The following UBTD1 variants were observed in gnomAD, a reference collection of about 807,000 sequenced individuals.
The protein encoded by UBTD1 is ubiquitin domain-containing protein 1.
A neutral mutation model predicts 21.7 loss-of-function variants in UBTD1; 19 were observed. The observed-to-expected ratio is 0.87, with a 90% CI of 0.61 to 1.28. The LOEUF (loss-of-function observed/expected upper bound fraction) is 1.28, where lower values mean the gene tolerates loss of function less well. Ranked by LOEUF, UBTD1 falls within the 50% of genes most tolerant of loss-of-function variation. The pLI, the probability that UBTD1 is intolerant of heterozygous loss-of-function variation, is 0.00. For synonymous variants in UBTD1, 116 were observed against 135.1 expected (o/e 0.86, Z 0.98); for missense variants, 282 against 315.1 (o/e 0.89, Z 0.80).
At chr10:97,499,686 A>G (rs1275345900) in intron 1 of UBTD1, among the ~76,000 whole-genome samples, 1 of 152,166 alleles carries the variant, frequency 6.6e-6, no homozygotes, top group Non-Finnish European at 1.5e-5. Context: ...GCGAGGCGAG[A>G]ACAGTCGCTC....
chr10:97,513,490 T>C (rs933119358), intron 1 of UBTD1, among the ~76,000 whole-genome samples: 2 of 152,044 alleles, frequency 1.3e-5, no homozygotes, highest in African/African-American at 2.4e-5. Flanking sequence ...CCTTGGGGGA[T>C]TGGGATAGGA....
Position 97,570,803 on chromosome 10 carries a change from A to G in UBTD1, c.*280A>G, listed in dbSNP as rs2040745183. 5 of 421,608 alleles carry G rather than the reference A, an allele frequency of 1.2e-5. No homozygotes were observed. In the Admixed American group the frequency reaches 1.9e-4, roughly 16 times the overall value. 26.1% of individuals were successfully genotyped at this position (421,608 alleles called of 1,614,324 possible). ...AAGCAGGTTCGAGCCACAAGGGCCA[A>G]CCAGGAGGCCCCTGGAGCCCAGATC... On this transcript the variant is annotated 3_prime_UTR_variant, in exon 3 of 3. Coordinates refer to ENST00000370664, the MANE Select transcript of UBTD1 (RefSeq NM_024954.5). This position sits in a 1 kb window ranked among gnomAD's most constrained non-coding sequence, Gnocchi z 6.6.
chr10:97,557,228 C>T (rs763283889), intron 1 of UBTD1, among the ~76,000 whole-genome samples: 1 of 152,194 alleles, frequency 6.6e-6, no homozygotes, highest in Non-Finnish European at 1.5e-5. Context: ...AGTACTGGCA[C>T]ATTTAGTTCA....
intron 1 of UBTD1, among the ~76,000 whole-genome samples, chr10:97,532,777 C>T (rs368141549): frequency 4.0e-5 from 6 of 148,288 alleles, no homozygotes; most frequent in African/African-American, 7.4e-5. Context: ...GCAACAAGAG[C>T]GCAACTGCAT....
At chr10:97,546,714 T>C (rs1348515479) in intron 1 of UBTD1, among the ~76,000 whole-genome samples, 1 of 151,732 alleles carries the variant, frequency 6.6e-6, no homozygotes, top group Non-Finnish European at 1.5e-5. Flanking sequence ...CAATGGGAGG[T>C]TGGTAGCTCC....
In UBTD1 at chr10:97,499,241, C is replaced by G. The variant is rs781079031; in HGVS notation, c.38C>G (p.Pro13Arg). The G allele has an allele frequency of 1.3e-6, 2 of 1,548,186 alleles. No individual in the cohort carries two copies. The highest frequency in any genetic ancestry group is 2.4e-5 in the South Asian group (2 of 83,544). The change falls in exon 1 of 3, where the codon CCG (proline) becomes CGG (arginine). Residue 13 changes from proline to arginine, a missense_variant. Transcript: ENST00000370664. ...GTGGGGAGACAGCGCCGGGAGAGGC[C>G]GGCAGCCCCGGGACACCCCCGCAAG... ...NCVGRQRRER[P>R]AAPGHPRKRA...
At chr10:97,565,494 A>C (rs776475505) in intron 1 of UBTD1, among the ~76,000 whole-genome samples, 1 of 152,018 alleles carries the variant, frequency 6.6e-6, no homozygotes, top group Non-Finnish European at 1.5e-5. Flanking sequence ...ATTCAGTTCA[A>C]AATTTTAGAC....
At chr10:97,508,284 T>A (rs756668187) in intron 1 of UBTD1, among the ~76,000 whole-genome samples, 1 of 152,232 alleles carries the variant, frequency 6.6e-6, no homozygotes, top group African/African-American at 2.4e-5. Flanking sequence ...TTTGTCCTCA[T>A]GAGAATGGGA....
rs1038766527 is a variant in UBTD1 at position 97,553,825 on chromosome 10, G to C, written c.71-14089G>C. ...TTCAGCCACAGAGGCCCTACCTGGA[G>C]GGTGAGGAGTTTGTCACCGCTGTAT... On this transcript the variant is annotated intron_variant, in intron 1 of 2. Transcript: ENST00000370664. 3.3e-5 allele frequency among the ~76,000 whole-genome samples: 5 copies of C among 152,320 alleles called. No homozygotes were observed. The East Asian group carries it at 7.7e-4, about 24-fold the overall frequency.
intron 1 of UBTD1, among the ~76,000 whole-genome samples, chr10:97,563,607 G>T (rs575496129): frequency 6.6e-6 from 1 of 152,156 alleles, no homozygotes; most frequent in African/African-American, 2.4e-5. Flanking sequence ...CGTCAGCAAA[G>T]ATCATCTATC....
In UBTD1 at chr10:97,499,063, G is replaced by GGGGCTGAGCGCGCCCCC; in HGVS notation, c.-137_-121dup. ...GCAAAGTTTTGGCGGAGCCATCGCT[G>GGGGCTGAGCGCGCCCCC]GGGCTGAGCGCGCCCCCGGGGGGAG... On this transcript the variant is annotated 5_prime_UTR_variant, in exon 1 of 3. Coordinates refer to ENST00000370664, the MANE Select transcript of UBTD1 (RefSeq NM_024954.5). 1 of 942,250 alleles carries GGGGCTGAGCGCGCCCCC rather than the reference G, an allele frequency of 1.1e-6. No individual in the cohort carries two copies. The allele number at this position is 942,250 out of a possible 1,614,324, so 58.4% of individuals were successfully genotyped here.
intron 1 of UBTD1, among the ~76,000 whole-genome samples, chr10:97,520,376 T>A (rs1325312043): frequency 2.6e-5 from 4 of 152,204 alleles, no homozygotes; most frequent in Admixed American, 6.5e-5. Context: ...AAAGCCCAGA[T>A]GAGCATTGAG....
chr10:97,508,520 C>G (rs905499352), intron 1 of UBTD1, among the ~76,000 whole-genome samples: 1 of 152,120 alleles, frequency 6.6e-6, no homozygotes, highest in African/African-American at 2.4e-5. Flanking sequence ...GGAACTCAGC[C>G]TGAGGATGTT....
At chr10:97,510,064 G>C (rs1341237083) in intron 1 of UBTD1, among the ~76,000 whole-genome samples, 4 of 152,020 alleles carry the variant, frequency 2.6e-5, no homozygotes, top group Non-Finnish European at 5.9e-5. Flanking sequence ...CTGGGTTCAA[G>C]TGACTCTTGT....
At chr10:97,561,169 C>T (rs1026266824) in intron 1 of UBTD1, among the ~76,000 whole-genome samples, 9 of 152,200 alleles carry the variant, frequency 5.9e-5, no homozygotes, top group Middle Eastern at 3.4e-3. Flanking sequence ...GGCGTTCCAC[C>T]GGGTCAATTT....
At chr10:97,535,984 A>ATTATTG (rs750892157) in intron 1 of UBTD1, among the ~76,000 whole-genome samples, 17 of 147,290 alleles carry the variant, frequency 1.2e-4, no homozygotes, top group African/African-American at 2.2e-4. Flanking sequence ...TATTATTATT[A>ATTATTG]TTATTATTAT....
chr10:97,550,628 G>A (rs2040632790), intron 1 of UBTD1, among the ~76,000 whole-genome samples: 1 of 152,210 alleles, frequency 6.6e-6, no homozygotes, highest in South Asian at 2.1e-4. Context: ...GTGTGAGGCA[G>A]TGGGATCTAT....
chr10:97,530,598 C>G (rs922489360), intron 1 of UBTD1, among the ~76,000 whole-genome samples: 4 of 151,968 alleles, frequency 2.6e-5, no homozygotes, highest in Non-Finnish European at 5.9e-5. Flanking sequence ...AAGGATAGAA[C>G]CTAGGGAAGA....
chr10:97,517,152 A>G (rs554663392), intron 1 of UBTD1, among the ~76,000 whole-genome samples: 28 of 152,044 alleles, frequency 1.8e-4, no homozygotes, highest in Non-Finnish European at 3.2e-4. Flanking sequence ...GGCAAGAGGT[A>G]TGGAAGACGC....
Sources: gnomAD v4.1 joint callset for allele counts (sites outside exome capture counted in the v4.1 genomes callset) on GRCh38, gnomAD v4.1.1 for gene constraint, Gnocchi (gnomAD v3.1) non-coding constraint, MANE v1.5 for transcripts, NCBI Gene and HGNC (gene_info 2026-07-23, HGNC 2026-07-21) for gene names.